HAPLN1: variants seen among roughly 807,000 people sequenced by gnomAD.
HAPLN1 encodes hyaluronan and proteoglycan link protein 1, also known as Cartilage link protein.
HAPLN1 carries 13 observed loss-of-function variants against 36.5 expected under a neutral mutation model. That is an observed-to-expected ratio of 0.36 (90% CI 0.23 to 0.57). The LOEUF is 0.57. Among genes scored for constraint, HAPLN1 ranks in the 20% least tolerant of loss-of-function variants. The pLI, the probability that HAPLN1 is intolerant of heterozygous loss-of-function variation, is 0.83. For missense variants in HAPLN1, 407 were observed against 439.7 expected (o/e 0.93, Z 0.66); for synonymous variants, 202 against 169.8 (o/e 1.19, Z -1.48).
chr5:83,707,420 A>G (rs1157255967), intron 1 of HAPLN1, among the ~76,000 whole-genome samples: 2 of 152,188 alleles, frequency 1.3e-5, no homozygotes, highest in South Asian at 2.1e-4. Flanking sequence ...AAAGTCCCCA[A>G]ACAAGACCAC....
chr5:83,660,062 A>G (rs558551312), intron 2 of HAPLN1, among the ~76,000 whole-genome samples: 2 of 152,084 alleles, frequency 1.3e-5, no homozygotes, highest in African/African-American at 4.8e-5. Context: ...GCTCTTTGCT[A>G]TCAATCTACA....
At chr5:83,673,320 A>T (rs541662532) in intron 2 of HAPLN1, 104 bp downstream of exon 2, 13 of 750,298 alleles carry the variant, frequency 1.7e-5, no homozygotes, top group Non-Finnish European at 2.6e-5. Context: ...GGAAAGAAAA[A>T]GTCAATGCAG....
intron 1 of HAPLN1, among the ~76,000 whole-genome samples, chr5:83,683,513 G>A (rs1454307158): frequency 6.6e-6 from 1 of 152,108 alleles, no homozygotes; most frequent in Non-Finnish European, 1.5e-5. Flanking sequence ...CATCAGTGTT[G>A]GGCAAATGAC....
At position 83,667,284 on chromosome 5, in the gene HAPLN1, G is replaced by A. The variant is rs76555617; in HGVS notation, c.100+6140C>T. Among the ~76,000 whole-genome samples, 461 of 152,064 alleles carry A rather than the reference G, an allele frequency of 3.0e-3. 1 individual carries two copies. The highest frequency in any genetic ancestry group is 0.011 in the African/African-American group (446 of 41,490). On this transcript the variant is annotated intron_variant, in intron 2 of 4. Transcript: ENST00000274341. Reference sequence around the variant, plus strand: ...GTGATATTCCAAGTTTGATCAAATGGCAAGCCTATGTTTAATGCTGTGTGT... The same window carrying A: ...GTGATATTCCAAGTTTGATCAAATGACAAGCCTATGTTTAATGCTGTGTGT...
chr5:83,706,636 C>T (rs1751660162), intron 1 of HAPLN1, among the ~76,000 whole-genome samples: 1 of 152,132 alleles, frequency 6.6e-6, no homozygotes, highest in African/African-American at 2.4e-5. Flanking sequence ...ACTGAATGGG[C>T]AAAAGCTGGA....
Position 83,641,446 on chromosome 5 carries a change from C to T in HAPLN1, c.*50G>A, listed in dbSNP as rs778486480. 5 of 1,492,962 alleles carry T rather than the reference C, an allele frequency of 3.3e-6. No homozygotes were observed. In the Admixed American group the frequency reaches 6.9e-5, roughly 21 times the overall value. The allele number at this position is 1,492,962 out of a possible 1,614,324, so 92.5% of individuals were successfully genotyped here. ...AGTTCATATTGGAAAAAAAAAACAC[C>T]TTTCACATGTTCTTAATGACTTTAA... On this transcript the variant is annotated 3_prime_UTR_variant, in exon 5 of 5. Transcript: ENST00000274341.
chr5:83,666,681 C>CAA (rs1750560778), intron 2 of HAPLN1, among the ~76,000 whole-genome samples: 1 of 152,038 alleles, frequency 6.6e-6, no homozygotes, highest in African/African-American at 2.4e-5. Flanking sequence ...GGATATAGTT[C>CAA]AAAGTTCTAA....
At chr5:83,660,249 A>T (rs1750347123) in intron 2 of HAPLN1, among the ~76,000 whole-genome samples, 1 of 152,184 alleles carries the variant, frequency 6.6e-6, no homozygotes, top group African/African-American at 2.4e-5. Flanking sequence ...CAATACCAAA[A>T]TATAGTACTG....
At chr5:83,667,028 T>C (rs991155017) in intron 2 of HAPLN1, among the ~76,000 whole-genome samples, 1 of 152,228 alleles carries the variant, frequency 6.6e-6, no homozygotes, top group African/African-American at 2.4e-5. Flanking sequence ...TTATTCTTAG[T>C]AATGACTGTC....
intron 1 of HAPLN1, among the ~76,000 whole-genome samples, chr5:83,715,595 A>G (rs558193529): frequency 6.6e-6 from 1 of 152,338 alleles, no homozygotes; most frequent in Admixed American, 6.5e-5. Context: ...ATTCTTGCTT[A>G]ATCTGAACTT....
chr5:83,684,052 T>G (rs1007581148), intron 1 of HAPLN1, among the ~76,000 whole-genome samples: 24 of 151,956 alleles, frequency 1.6e-4, no homozygotes, highest in African/African-American at 5.1e-4. Flanking sequence ...AGGAGTAGTG[T>G]TCTTTAGTGG....
At chr5:83,659,946 C>A (rs1750335840) in intron 2 of HAPLN1, among the ~76,000 whole-genome samples, 1 of 151,994 alleles carries the variant, frequency 6.6e-6, no homozygotes, top group Non-Finnish European at 1.5e-5. Context: ...CTGTGACCTG[C>A]CTTTTGGTCT....
chr5:83,667,377 A>C (rs939812399), intron 2 of HAPLN1, among the ~76,000 whole-genome samples: 1 of 152,256 alleles, frequency 6.6e-6, no homozygotes, highest in Non-Finnish European at 1.5e-5. Context: ...TAGTCATCTA[A>C]TATGGATGAT....
intron 1 of HAPLN1, among the ~76,000 whole-genome samples, chr5:83,678,220 G>GGTCTGTGTGTGT (rs1750907768): frequency 7.0e-6 from 1 of 142,536 alleles, no homozygotes; most frequent in African/African-American, 2.5e-5. Context: ...CTATAGTTTG[G>GGTCTGTGTGTGT]GTGTGTGTGT....
At chr5:83,642,523 C>A (rs920362049) in intron 4 of HAPLN1, among the ~76,000 whole-genome samples, 51 of 152,056 alleles carry the variant, frequency 3.4e-4, no homozygotes, top group African/African-American at 1.2e-3. Flanking sequence ...TACTGAGATT[C>A]CTTCAATATG....
intron 1 of HAPLN1, among the ~76,000 whole-genome samples, chr5:83,679,550 C>T (rs755178125): frequency 6.6e-6 from 1 of 152,130 alleles, no homozygotes; most frequent in Non-Finnish European, 1.5e-5. Context: ...ATAATTTATT[C>T]TTTTCTCTTT....
At chr5:83,674,348 A>T (rs1750811968) in intron 1 of HAPLN1, 1 of 152,244 alleles carries the variant, frequency 6.6e-6, no homozygotes, top group Admixed American at 6.5e-5. Flanking sequence ...CAGGGCAATT[A>T]GGCAAATGAA....
rs1401477975 is a variant in HAPLN1, at chr5:83,640,138, G to A, written c.*1358C>T. On this transcript the variant is annotated 3_prime_UTR_variant, in exon 5 of 5. Coordinates refer to ENST00000274341, the MANE Select transcript of HAPLN1 (RefSeq NM_001884.4). ...GTGAAACAATGGGAAACCATGAAAT[G>A]TAATTTGAATACAAATATTGGTCCC... 2 of 152,118 alleles carry A rather than the reference G, an allele frequency of 1.3e-5. No homozygotes were observed. The highest frequency in any genetic ancestry group is 2.9e-5 in the Non-Finnish European group (2 of 67,982). 9.4% of individuals were successfully genotyped at this position (152,118 alleles called of 1,614,324 possible). A position where few individuals can be genotyped will look rare whatever the true frequency, so the allele number is the denominator to read the frequency against.
rs144499932 is a variant in HAPLN1, at chr5:83,692,624, A to G, written c.-26-19075T>C. 3.9e-3 allele frequency among the ~76,000 whole-genome samples: 587 copies of G among 152,096 alleles called. 3 individuals are homozygous for G. The highest frequency in any genetic ancestry group is 0.014 in the African/African-American group (570 of 41,568). Reference sequence around the variant, plus strand: ...TAGCCTACACAGAAATAAATATTTAAGAAACTTCTTCATGCAGAAGAAAAA... The same window carrying G: ...TAGCCTACACAGAAATAAATATTTAGGAAACTTCTTCATGCAGAAGAAAAA... On this transcript the variant is annotated intron_variant, in intron 1 of 4. Coordinates refer to ENST00000274341, the MANE Select transcript of HAPLN1 (RefSeq NM_001884.4).
Sources: gnomAD v4.1 joint callset for allele counts (sites outside exome capture counted in the v4.1 genomes callset) on GRCh38, gnomAD v4.1.1 for gene constraint, MANE v1.5 for transcripts, NCBI Gene and HGNC (gene_info 2026-07-23, HGNC 2026-07-21) for gene names.